Variants in SYT14 observed in about 807,000 individuals in gnomAD.
SYT14 encodes the protein synaptotagmin-14.
In SYT14, 32 loss-of-function variants were observed where a neutral mutation model predicts 74.2. The observed-to-expected ratio is 0.43, with a 90% CI of 0.33 to 0.58. The LOEUF (loss-of-function observed/expected upper bound fraction) is 0.58. SYT14 is among the 20% of genes least tolerant of loss of function. The probability of loss-of-function intolerance (pLI) is 0.05; values close to 1 mark genes in which losing one functional copy is unlikely to be tolerated. For missense variants in SYT14, 791 were observed against 981.8 expected (o/e 0.81, Z 2.60); for synonymous variants, 298 against 337.7 (o/e 0.88, Z 1.29).
chr1:209,969,675 G>A (rs532876649), intron 2 of SYT14, among the ~76,000 whole-genome samples: 9 of 152,004 alleles, frequency 5.9e-5, no homozygotes, highest in African/African-American at 2.2e-4. Flanking sequence ...TTTTAGTGTA[G>A]ACGGGGTTTC....
chr1:210,138,345 A>C (rs2082835371), intron 7 of SYT14, among the ~76,000 whole-genome samples: 1 of 152,152 alleles, frequency 6.6e-6, no homozygotes. Context: ...ACCCACCCCC[A>C]TGATTCAATT....
At chr1:210,050,265 C>T (rs991134769) in intron 5 of SYT14, among the ~76,000 whole-genome samples, 17 of 152,142 alleles carry the variant, frequency 1.1e-4, no homozygotes, top group East Asian at 9.6e-4. Context: ...GGCAAGATGC[C>T]GCCAGTCTCT....
intron 5 of SYT14, among the ~76,000 whole-genome samples, chr1:210,072,203 T>C (rs978586941): frequency 6.6e-6 from 1 of 151,520 alleles, no homozygotes; most frequent in Non-Finnish European, 1.5e-5. Flanking sequence ...ATTCATAATG[T>C]CTTGATGCCT....
intron 5 of SYT14, among the ~76,000 whole-genome samples, chr1:210,026,521 AC>A (rs2080414980): frequency 3.3e-5 from 5 of 151,764 alleles, no homozygotes; most frequent in Admixed American, 3.3e-4. Flanking sequence ...TATTAAATTT[AC>A]ATTATTTATT....
At chr1:210,121,894 A>T (rs2082474844) in intron 7 of SYT14, among the ~76,000 whole-genome samples, 1 of 152,130 alleles carries the variant, frequency 6.6e-6, no homozygotes, top group South Asian at 2.1e-4. Flanking sequence ...ATTTTCAGGC[A>T]TGCGTAGTAA....
intron 7 of SYT14, 125 bp from the exon 7 acceptor site, chr1:210,155,596 T>C (rs1198578551): frequency 1.0e-5 from 10 of 961,186 alleles, no homozygotes; most frequent in Non-Finnish European, 7.9e-6. Flanking sequence ...TCTAATCTGG[T>C]GTTTGGTTTG....
intron 5 of SYT14, among the ~76,000 whole-genome samples, chr1:210,039,607 A>G (rs1416461923): frequency 2.0e-5 from 3 of 152,130 alleles, no homozygotes; most frequent in African/African-American, 4.8e-5. Context: ...ACCCTACAGG[A>G]TGGGAGAAAA....
rs369342461 is a variant in SYT14, at chr1:210,056,756, A to T, written c.1312+35502A>T. Reference sequence around the variant, plus strand: ...CAGGAGAATCACGCCACTGCACTCCAGCCTGGGCAACAGAGCGAAACTCCG... The same window carrying T: ...CAGGAGAATCACGCCACTGCACTCCTGCCTGGGCAACAGAGCGAAACTCCG... On this transcript the variant is annotated intron_variant, in intron 5 of 9. Coordinates refer to ENST00000637265, the Ensembl canonical transcript of SYT14. 3.3e-5 allele frequency among the ~76,000 whole-genome samples: 5 copies of T among 151,350 alleles called. No individual in the cohort carries two copies. The East Asian group carries it at 9.8e-4, about 30-fold the overall frequency.
intron 2 of SYT14, among the ~76,000 whole-genome samples, chr1:209,986,644 C>G (rs1368462217): frequency 1.3e-5 from 2 of 151,932 alleles, no homozygotes; most frequent in Non-Finnish European, 2.9e-5. Flanking sequence ...CGCCAGATAC[C>G]TTAAATCATC....
intron 2 of SYT14, among the ~76,000 whole-genome samples, chr1:209,997,365 T>G (rs1373854196): frequency 6.6e-6 from 1 of 152,018 alleles, no homozygotes; most frequent in Non-Finnish European, 1.5e-5. Flanking sequence ...CACAATCTCA[T>G]TCATAATAGC....
chr1:210,031,604 C>T (rs76041148), intron 5 of SYT14, among the ~76,000 whole-genome samples: 4,057 of 152,094 alleles, frequency 0.027, 190 homozygotes, highest in African/African-American at 0.092. Flanking sequence ...CTATTCAGGT[C>T]GTCTGTTTCT....
chr1:210,106,629 C>G (rs143834748), intron 7 of SYT14, among the ~76,000 whole-genome samples: 1 of 152,074 alleles, frequency 6.6e-6, no homozygotes, highest in African/African-American at 2.4e-5. Context: ...CTCTTGAGAA[C>G]GAACTCACTC....
intron 2 of SYT14, among the ~76,000 whole-genome samples, chr1:209,993,439 G>A (rs372551656): frequency 1.3e-5 from 2 of 152,314 alleles, no homozygotes; most frequent in East Asian, 1.9e-4. Flanking sequence ...CCCAAGCTGC[G>A]GGACATCTGG....
chr1:210,071,120 A>C (rs985090575), intron 5 of SYT14, among the ~76,000 whole-genome samples: 1 of 151,606 alleles, frequency 6.6e-6, no homozygotes, highest in African/African-American at 2.4e-5. Context: ...TAATCTTTCC[A>C]AAACAACAAA....
chr1:209,988,314 C>T (rs1392800516), intron 2 of SYT14, among the ~76,000 whole-genome samples: 3 of 152,130 alleles, frequency 2.0e-5, no homozygotes, highest in African/African-American at 7.2e-5. Context: ...TTCCGTATCT[C>T]CTCTTACCAC....
chr1:210,074,713 G>A (rs1034720990), intron 5 of SYT14, among the ~76,000 whole-genome samples: 14 of 152,142 alleles, frequency 9.2e-5, no homozygotes, highest in Non-Finnish European at 1.6e-4. Context: ...CTCTCAGGGC[G>A]TGTGATGGTG....
At chr1:209,967,659 A>G (rs190995566) in intron 2 of SYT14, among the ~76,000 whole-genome samples, 10 of 152,028 alleles carry the variant, frequency 6.6e-5, no homozygotes, top group African/African-American at 7.2e-5. Context: ...AAGATAATCT[A>G]TTTCATTTCT....
chr1:209,944,518 A>G (rs1220232700), intron 1 of SYT14, among the ~76,000 whole-genome samples: 3 of 152,212 alleles, frequency 2.0e-5, no homozygotes, highest in South Asian at 2.1e-4. Context: ...ATTGTTGTCA[A>G]TAAGATCTAG....
In SYT14 at chr1:210,104,839, T is replaced by C. The variant is rs560689956; in HGVS notation, c.2034+4378T>C. Among the ~76,000 whole-genome samples the C allele has an allele frequency of 8.1e-4, 123 of 152,314 alleles. 1 individual carries two copies. The highest frequency in any genetic ancestry group is 2.5e-3 in the South Asian group (12 of 4,830). On this transcript the variant is annotated intron_variant, in intron 7 of 9. Transcript: ENST00000637265. ...GCTAGCAATAATAATAGTGAGGCTA[T>C]TGGACAATTCTCAGAATATAGGAGT...
Sources: gnomAD v4.1 joint callset for allele counts (sites outside exome capture counted in the v4.1 genomes callset) on GRCh38, gnomAD v4.1.1 for gene constraint, MANE v1.5 for transcripts, NCBI Gene and HGNC (gene_info 2026-07-23, HGNC 2026-07-21) for gene names.